The following USP26 variants were observed in gnomAD, a reference collection of about 807,000 sequenced individuals.
USP26 encodes ubiquitin carboxyl-terminal hydrolase 26.
For synonymous variants in USP26, 236 were observed against 240.6 expected, an observed-to-expected ratio of 0.98 and a Z score of 0.18; for missense variants, 649 against 642.3, an observed-to-expected ratio of 1.01 and a Z score of -0.11.
rs184361997 is a variant in USP26 at position 133,025,417 on chromosome X, T to G, written c.*62A>C. On this transcript the variant is annotated 3_prime_UTR_variant, in exon 6 of 6. Coordinates refer to ENST00000511190, the MANE Select transcript of USP26 (RefSeq NM_031907.3). ...GATAAAGTTCACAGTTTTCCTTCCA[T>G]GGAGGAAGTGGTATCGAGTGAGACA... 1.7e-5 allele frequency: 20 copies of G among 1,203,358 alleles called. No homozygotes were observed. In the East Asian group the frequency reaches 5.9e-4, roughly 36 times the overall value.
At chrX:133,031,259 T>C (rs1234165365) in intron 5 of USP26, among the ~76,000 whole-genome samples, 2 of 112,061 alleles carry the variant, frequency 1.8e-5, no homozygotes, top group African/African-American at 6.5e-5. Context: ...GTAATGACTA[T>C]ATGAGTTTCT....
In USP26 at chrX:133,066,330, A is replaced by G. The variant is rs1214672810; in HGVS notation, c.-77+17377T>C. 3.6e-5 allele frequency among the ~76,000 whole-genome samples: 4 copies of G among 112,050 alleles called. No homozygotes were observed. In the East Asian group the frequency reaches 1.1e-3, roughly 31 times the overall value. On this transcript the variant is annotated intron_variant, in intron 5 of 5. Coordinates refer to ENST00000511190, the MANE Select transcript of USP26 (RefSeq NM_031907.3). ...AATTTATAAATTCAATGCTATTTCC[A>G]TCAAGCTACCATTTACTTTCTTCAC...
At chrX:133,052,165 G>A (rs1444031288) in intron 5 of USP26, among the ~76,000 whole-genome samples, 1 of 112,307 alleles carries the variant, frequency 8.9e-6, no homozygotes, top group Non-Finnish European at 1.9e-5. Flanking sequence ...TATGGATGTA[G>A]TCCAAAGTCA....
chrX:133,045,609 G>A (rs1234896725), intron 5 of USP26, among the ~76,000 whole-genome samples: 2 of 111,480 alleles, frequency 1.8e-5, no homozygotes, highest in African/African-American at 3.3e-5. Context: ...CCACCGGGAG[G>A]AACGAACAAC....
intron 5 of USP26, among the ~76,000 whole-genome samples, chrX:133,067,798 G>T (rs773764889): frequency 2.7e-5 from 3 of 111,882 alleles, no homozygotes; most frequent in African/African-American, 9.7e-5. Context: ...TAGATGATGT[G>T]TTGATAGGTA....
In USP26 at chrX:133,026,145, C is replaced by T; in HGVS notation, c.2076G>A (p.Val692=). Residue 692 remains valine (V), a synonymous_variant, in exon 6 of 6, where the codon GTG becomes GTA. Coordinates refer to ENST00000511190, the MANE Select transcript of USP26 (RefSeq NM_031907.3). ...TPLSKVDFQT[V]PENPKRKKYV... ...ATTTCTTTCGTTTTGGATTTTCGGG[C>T]ACTGTTTGAAAGTCAACTTTTGAGA... The T allele has an allele frequency of 8.3e-7, 1 of 1,210,767 alleles. No homozygotes were observed.
Position 133,024,674 on chromosome X carries a change from G to A in USP26, c.*805C>T, listed in dbSNP as rs933937678. On this transcript the variant is annotated 3_prime_UTR_variant, in exon 6 of 6. Transcript: ENST00000511190. ...CTTTTAATAAGTTCACAAAGGCAAG[G>A]CATACATTAATATGAAAAACACAAA... 2.7e-5 allele frequency: 3 copies of A among 111,950 alleles called. No homozygotes were observed. Among genetic ancestry groups the A allele is most frequent in the Non-Finnish European group, 5.6e-5 (3 of 53,223 alleles). The allele number at this position is 111,950 out of a possible 1,213,427, so 9.2% of individuals were successfully genotyped here.
At chrX:133,032,169 C>CCCAA (rs761445674) in intron 5 of USP26, among the ~76,000 whole-genome samples, 187 of 109,799 alleles carry the variant, frequency 1.7e-3, no homozygotes, top group South Asian at 0.013. Context: ...AAGAAAAAAA[C>CCCAA]CCAACCAACC....
At chrX:133,089,292 T>A (rs1232672402) in intron 4 of USP26, among the ~76,000 whole-genome samples, 1 of 111,883 alleles carries the variant, frequency 8.9e-6, no homozygotes, top group Non-Finnish European at 1.9e-5. Flanking sequence ...ATCCTCCATT[T>A]CTTACGTTGT....
Position 133,026,379 on chromosome X carries a change from C to T in USP26, c.1842G>A (p.Gln614=), listed in dbSNP as rs1443409487. The T allele has an allele frequency of 8.3e-7, 1 of 1,202,696 alleles. No homozygotes were observed. Among genetic ancestry groups the T allele is most frequent in the African/African-American group, 1.8e-5 (1 of 55,256 alleles). ...TTCTGCTTGCCCCTTTAAAGACTGT[C>T]TGGCCTTTTTTTTGTTCAGACTCCT... ...SDKESEQKKG[Q]TVFKGASRRQ... The change falls in exon 6 of 6, where the codon CAG becomes CAA. Residue 614 remains glutamine (Q), a synonymous_variant. Transcript: ENST00000511190.
intron 2 of USP26, 23 bp downstream of exon 2, chrX:133,091,330 C>A (rs1310209142): frequency 4.5e-5 from 5 of 111,598 alleles, no homozygotes; most frequent in Non-Finnish European, 9.4e-5. Context: ...TTTCAAATTA[C>A]CTTCAGACCC....
intron 5 of USP26, among the ~76,000 whole-genome samples, chrX:133,034,497 T>A (rs73564234): frequency 0.023 from 2,586 of 111,911 alleles, 44 homozygotes; most frequent in African/African-American, 0.069. Flanking sequence ...CACACTTTAA[T>A]GAAGCAATTA....
chrX:133,025,417 T>C lies in USP26; in HGVS notation c.*62A>G, dbSNP rs184361997. On this transcript the variant is annotated 3_prime_UTR_variant, in exon 6 of 6. Coordinates refer to ENST00000511190, the MANE Select transcript of USP26 (RefSeq NM_031907.3). ...GATAAAGTTCACAGTTTTCCTTCCA[T>C]GGAGGAAGTGGTATCGAGTGAGACA... 157 of 1,203,304 alleles carry C rather than the reference T, an allele frequency of 1.3e-4. No homozygotes were observed. Among genetic ancestry groups the C allele is most frequent in the Non-Finnish European group, 1.7e-4 (151 of 892,545 alleles).
chrX:133,043,557 A>C (rs1482033076), intron 5 of USP26, among the ~76,000 whole-genome samples: 2 of 112,506 alleles, frequency 1.8e-5, no homozygotes, highest in Non-Finnish European at 3.7e-5. Flanking sequence ...AAGTCCTGAC[A>C]CTTGACTAAG....
At position 133,025,753 on chromosome X, in the gene USP26, G is replaced by A; in HGVS notation, c.2468C>T (p.Thr823Ile). ...TKRNDDKGDH[T>I]YRLISVVSHL... Reference sequence around the variant, plus strand: ...GCTGACAACACTAATGAGCCGGTAGGTATGATCTCCCTTATCATCATTTCT... The same window carrying A: ...GCTGACAACACTAATGAGCCGGTAGATATGATCTCCCTTATCATCATTTCT... The change falls in exon 6 of 6, where the codon ACC becomes ATC. Residue 823 changes from threonine to isoleucine, a missense_variant. Coordinates refer to ENST00000511190, the MANE Select transcript of USP26 (RefSeq NM_031907.3). The A allele has an allele frequency of 8.3e-7, 1 of 1,209,288 alleles. No homozygotes were observed. Among genetic ancestry groups the A allele is most frequent in the Non-Finnish European group, 1.1e-6 (1 of 893,340 alleles).
At chrX:133,080,883 C>T (rs903819501) in intron 5 of USP26, among the ~76,000 whole-genome samples, 2 of 111,445 alleles carry the variant, frequency 1.8e-5, no homozygotes, top group African/African-American at 6.5e-5. Context: ...AATCCAATTC[C>T]GAACTACTCA....
chrX:133,038,228 C>T (rs1409685850), intron 5 of USP26, among the ~76,000 whole-genome samples: 1 of 111,365 alleles, frequency 9.0e-6, no homozygotes, highest in African/African-American at 3.3e-5. Flanking sequence ...GAGAGGGCAT[C>T]CTTGTCTTCT....
chrX:133,025,514 T>C lies in USP26; in HGVS notation c.2707A>G (p.Ser903Gly), dbSNP rs745642119. 2.5e-6 allele frequency: 3 copies of C among 1,211,390 alleles called. No homozygotes were observed. In the Admixed American group the frequency reaches 6.5e-5, roughly 26 times the overall value. The stretch of plus-strand genomic sequence containing the variant: ...TGAAGGGTCTCCTCTACCTCCTTGC[T>C]ATTAAGCTGGGCATTCTCTTCTCTT... ...LKREENAQLN[S>G]KEVEETLQKE Residue 903 changes from serine to glycine, a missense_variant, in exon 6 of 6, where the codon AGC becomes GGC. By Grantham distance (56) the Ser-to-Gly change is moderately conservative. Coordinates refer to ENST00000511190, the MANE Select transcript of USP26 (RefSeq NM_031907.3).
At chrX:133,038,528 G>A (rs1299242691) in intron 5 of USP26, among the ~76,000 whole-genome samples, 1 of 111,776 alleles carries the variant, frequency 8.9e-6, no homozygotes, top group Non-Finnish European at 1.9e-5. Context: ...CTTGATTGTG[G>A]TAGATAAGCT....
Sources: allele counts gnomAD v4.1 joint callset (sites outside exome capture counted in the v4.1 genomes callset), GRCh38; gene constraint gnomAD v4.1.1; transcripts MANE v1.5; gene names NCBI Gene and HGNC (gene_info 2026-07-23, HGNC 2026-07-21).